CES1: variants seen among roughly 807,000 people sequenced by gnomAD.
CES1 encodes carboxylesterase 1, also known as liver carboxylesterase 1.
Under a neutral mutation model 53.0 loss-of-function variants are expected in CES1, and 50 were observed. The ratio of observed to expected loss-of-function variants is 0.94; its 90% confidence interval spans 0.75 to 1.19. The LOEUF is 1.19. Among genes scored for constraint, CES1 ranks in the 50% most tolerant of loss-of-function variants. The probability of loss-of-function intolerance (pLI) is 0.00; values close to 1 mark genes in which losing one functional copy is unlikely to be tolerated. For synonymous variants in CES1, 202 were observed against 210.1 expected (o/e 0.96, Z 0.33); for missense variants, 534 against 538.0 (o/e 0.99, Z 0.07).
chr16:55,826,489 C>G (rs1246665964), intron 2 of CES1, among the ~76,000 whole-genome samples, 194 bp from the exon 3 acceptor site: 1 of 152,126 alleles, frequency 6.6e-6, no homozygotes, highest in Admixed American at 6.5e-5. Flanking sequence ...TCTCCTAAGA[C>G]CAAGCAGAGT....
intron 2 of CES1, among the ~76,000 whole-genome samples, 185 bp from the exon 3 acceptor site, chr16:55,826,480 C>A (rs1318678947): frequency 6.6e-6 from 1 of 152,172 alleles, no homozygotes; most frequent in African/African-American, 2.4e-5. Context: ...TCACTAAGGT[C>A]TCCTAAGACC....
intron 2 of CES1, 51 bp from the exon 3 acceptor site, chr16:55,826,346 G>A: frequency 1.2e-6 from 2 of 1,610,648 alleles, no homozygotes; most frequent in Non-Finnish European, 1.7e-6. Context: ...TCTAAGCGAG[G>A]TGTTTTCTAC....
At chr16:55,809,111 A>AAAAAAAAAAAG (rs56221736) in intron 11 of CES1, among the ~76,000 whole-genome samples, 1 of 150,120 alleles carries the variant, frequency 6.7e-6, no homozygotes, top group Non-Finnish European at 1.5e-5. Flanking sequence ...AAAAAAAAAA[A>AAAAAAAAAAAG]GCCCTGAACT....
chr16:55,811,345 G>A (rs1362592747), intron 9 of CES1, among the ~76,000 whole-genome samples: 5 of 152,102 alleles, frequency 3.3e-5, no homozygotes, highest in Admixed American at 2.0e-4. Context: ...GATGCAAGGT[G>A]TCTGCCAGGC....
intron 3 of CES1, 86 bp downstream of exon 3, chr16:55,826,065 A>G (rs1281691637): frequency 1.3e-6 from 2 of 1,560,446 alleles, no homozygotes; most frequent in Non-Finnish European, 1.8e-6. Context: ...TCCCTCCCCA[A>G]GCTGCCTTCA....
At chr16:55,810,227 C>T (rs1268408518) in intron 11 of CES1, among the ~76,000 whole-genome samples, 4 of 152,164 alleles carry the variant, frequency 2.6e-5, no homozygotes, top group African/African-American at 4.8e-5. Flanking sequence ...CCCTTGACAA[C>T]GCATCTTGGA....
At chr16:55,832,961 G>C (rs1445104855) in intron 1 of CES1, 43 bp downstream of exon 1, 9 of 1,458,300 alleles carry the variant, frequency 6.2e-6, no homozygotes, top group Non-Finnish European at 8.6e-6. Flanking sequence ...CCAGAACAAG[G>C]ATTTCAAAAA....
At chr16:55,810,450 A>C in intron 11 of CES1, 67 bp downstream of exon 11, 1 of 1,591,562 alleles carries the variant, frequency 6.3e-7, no homozygotes, top group Non-Finnish European at 8.6e-7. Context: ...CTATGCTGGG[A>C]GGTAGGTGGG....
At chr16:55,821,270 G>T in intron 5 of CES1, 98 bp downstream of exon 5, 1 of 1,475,768 alleles carries the variant, frequency 6.8e-7, no homozygotes, top group Non-Finnish European at 9.5e-7. Flanking sequence ...TTCAGGTATT[G>T]TAATCAGAGG....
chr16:55,828,892 T>A lies in CES1; in HGVS notation c.135A>T (p.Ala45=), dbSNP rs199509547. ...TTCCCAGGAAAATGGCCACAGGCTGTGCAAATCCTTCTAAGCTGACGAACT... is the reference window on the plus strand; with the variant it reads ...TTCCCAGGAAAATGGCCACAGGCTGAGCAAATCCTTCTAAGCTGACGAACT... ...LGKFVSLEGF[A]QPVAIFLGIP... Residue 45 remains alanine, a synonymous_variant, in exon 2 of 14, where the codon GCA becomes GCT. Transcript: ENST00000360526. 6.2e-7 allele frequency: 1 copy of A among 1,614,170 alleles called. No individual in the cohort carries two copies. The highest frequency in any genetic ancestry group is 1.3e-5 in the African/African-American group (1 of 75,076).
Position 55,816,955 on chromosome 16 carries a change from A to G in CES1, c.914T>C (p.Leu305Ser). The stretch of plus-strand genomic sequence containing the variant: ...GGGGTCTCCCTGTAAGTCCAGAGAT[A>G]AGAATTTCTGTGAAGACAAAGGCAG... The part of the protein sequence containing the change: ...LLETTLKMKF[L>S]SLDLQGDPRE... Residue 305 changes from leucine (L) to serine (S), a missense_variant, in exon 8 of 14, where the codon TTA becomes TCA. Transcript: ENST00000360526. The G allele has an allele frequency of 1.9e-6, 3 of 1,614,162 alleles. No individual in the cohort carries two copies. The highest frequency in any genetic ancestry group is 2.5e-6 in the Non-Finnish European group (3 of 1,179,998).
chr16:55,832,044 C>G (rs1296021623), intron 1 of CES1, among the ~76,000 whole-genome samples: 1 of 152,240 alleles, frequency 6.6e-6, no homozygotes, highest in East Asian at 1.9e-4. Flanking sequence ...CCAACTGCCT[C>G]TTTGATCGGG....
In CES1 at chr16:55,810,457, T is replaced by C. The variant is rs2031634948; in HGVS notation, c.1318+60A>G. Reference sequence around the variant, plus strand: ...ATGTCTGTCTATGCTGGGAGGTAGGTGGGTCAGATACAGAAGCTCGTGGGG... The same window carrying C: ...ATGTCTGTCTATGCTGGGAGGTAGGCGGGTCAGATACAGAAGCTCGTGGGG... On this transcript the variant is annotated intron_variant, in intron 11 of 13. Coordinates refer to ENST00000360526, the MANE Select transcript of CES1 (RefSeq NM_001025195.2). 97 of 1,606,048 alleles carry C rather than the reference T, an allele frequency of 6.0e-5. No homozygotes were observed. The South Asian group carries it at 1.0e-3, about 17-fold the overall frequency.
chr16:55,811,806 G>T (rs1404900206), intron 9 of CES1, among the ~76,000 whole-genome samples: 1 of 152,196 alleles, frequency 6.6e-6, no homozygotes, highest in Non-Finnish European at 1.5e-5. Flanking sequence ...TTGAGGACCT[G>T]AGAGCCTTCT....
rs1365642466 is a variant in CES1 at position 55,811,131 on chromosome 16, G to T, written c.1087-121C>A. 6.1e-6 allele frequency: 5 copies of T among 820,664 alleles called. No homozygotes were observed. The East Asian group carries it at 1.0e-4, about 17-fold the overall frequency. 50.8% of individuals were successfully genotyped at this position (820,664 alleles called of 1,614,324 possible). On this transcript the variant is annotated intron_variant, in intron 9 of 13. Transcript: ENST00000360526. ...CCTCTAATTATGGGGGCTTTTAAGGGCATGAGTCTTTACTGAAATGGGTGA... is the reference window on the plus strand; with the variant it reads ...CCTCTAATTATGGGGGCTTTTAAGGTCATGAGTCTTTACTGAAATGGGTGA...
chr16:55,810,336 T>C (rs1434327013), intron 11 of CES1, among the ~76,000 whole-genome samples, 181 bp downstream of exon 11: 2 of 152,172 alleles, frequency 1.3e-5, no homozygotes, highest in Non-Finnish European at 2.9e-5. Context: ...GATTTTTTTT[T>C]CTCACAGTCT....
chr16:55,814,699 CT>C (rs1258342884), intron 8 of CES1, among the ~76,000 whole-genome samples: 3 of 152,244 alleles, frequency 2.0e-5, no homozygotes, highest in African/African-American at 7.2e-5. Context: ...TATTTCCCTT[CT>C]GGATATCAGA....
chr16:55,830,971 G>A (rs1202833953), intron 1 of CES1, among the ~76,000 whole-genome samples: 1 of 152,164 alleles, frequency 6.6e-6, no homozygotes, highest in Non-Finnish European at 1.5e-5. Flanking sequence ...CTGGATCCCT[G>A]TTTACACAGG....
intron 7 of CES1, among the ~76,000 whole-genome samples, chr16:55,817,919 G>A (rs1300110635): frequency 6.6e-6 from 1 of 152,168 alleles, no homozygotes; most frequent in African/African-American, 2.4e-5. Context: ...TTTTAAGCTG[G>A]GTCCTCTGAT....
Sources: allele counts gnomAD v4.1 joint callset (sites outside exome capture counted in the v4.1 genomes callset), GRCh38; gene constraint gnomAD v4.1.1; transcripts MANE v1.5; gene names NCBI Gene and HGNC (gene_info 2026-07-23, HGNC 2026-07-21).